Variants in LRRTM4 observed in about 807,000 individuals in gnomAD.
LRRTM4 encodes the protein leucine-rich repeat transmembrane neuronal protein 4.
LRRTM4 carries 25 observed loss-of-function variants against 47.6 expected under a neutral mutation model. That is an observed-to-expected ratio of 0.53 (90% CI 0.38 to 0.73). The LOEUF is 0.73. Ranked by LOEUF, LRRTM4 falls within the 30% of genes least tolerant of loss-of-function variation. LRRTM4 has a pLI of 0.00. For synonymous variants in LRRTM4, 311 were observed against 269.5 expected, an observed-to-expected ratio of 1.15 and a Z score of -1.51; for missense variants, 638 against 713.4, an observed-to-expected ratio of 0.89 and a Z score of 1.20.
chr2:77,480,262 G>A (rs868726353), intron 3 of LRRTM4, among the ~76,000 whole-genome samples: 6 of 152,242 alleles, frequency 3.9e-5, no homozygotes, highest in Middle Eastern at 3.4e-3. Flanking sequence ...AGGAACTACA[G>A]AGAAGAAGAC....
At chr2:76,896,441 C>T (rs1673420781) in intron 3 of LRRTM4, among the ~76,000 whole-genome samples, 1 of 152,006 alleles carries the variant, frequency 6.6e-6, no homozygotes, top group African/African-American at 2.4e-5. Flanking sequence ...CAGAGTACTG[C>T]AAATTTTGTC....
chr2:77,414,607 C>T (rs542850599), intron 3 of LRRTM4, among the ~76,000 whole-genome samples: 10 of 152,180 alleles, frequency 6.6e-5, no homozygotes, highest in Admixed American at 1.3e-4. Flanking sequence ...CCATCAGTAA[C>T]GGATGTGCTT....
At chr2:77,023,173 T>TCTATGTTGGCC (rs1678334033) in intron 3 of LRRTM4, among the ~76,000 whole-genome samples, 1 of 152,188 alleles carries the variant, frequency 6.6e-6, no homozygotes, top group Non-Finnish European at 1.5e-5. Context: ...CAGCCCAAGC[T>TCTATGTTGGCC]CTATGTTGGC....
In LRRTM4 at chr2:77,052,189, T is replaced by C. The variant is rs115112947; in HGVS notation, c.1552-303273A>G. On this transcript the variant is annotated intron_variant, in intron 3 of 3. Transcript: ENST00000409884. ...TTTTTTTTTTGAGACAGAGTTTTGC[T>C]CTTTGCTCTTGTTGCCCAGGCTGGA... Among the ~76,000 whole-genome samples the C allele has an allele frequency of 9.7e-3, 1,327 of 136,816 alleles. 33 individuals are homozygous for C. Among genetic ancestry groups the C allele is most frequent in the African/African-American group, 0.034 (1,238 of 36,702 alleles). The allele number at this position is 136,816 out of a possible 152,430, so 89.8% of individuals were successfully genotyped here.
At chr2:76,989,194 G>A (rs1039737068) in intron 3 of LRRTM4, among the ~76,000 whole-genome samples, 5 of 151,668 alleles carry the variant, frequency 3.3e-5, no homozygotes, top group African/African-American at 7.3e-5. Flanking sequence ...AGATACCCCT[G>A]TCCCTGAATA....
chr2:77,428,995 A>G (rs1675240575), intron 3 of LRRTM4, among the ~76,000 whole-genome samples: 1 of 152,220 alleles, frequency 6.6e-6, no homozygotes, highest in Non-Finnish European at 1.5e-5. Flanking sequence ...CTGGGTAGGA[A>G]AGTTTAACAA....
chr2:77,355,062 T>A (rs1286799610), intron 3 of LRRTM4, among the ~76,000 whole-genome samples: 1 of 152,330 alleles, frequency 6.6e-6, no homozygotes, highest in East Asian at 1.9e-4. Context: ...AGAAAGAACA[T>A]GATCCTCTCA....
rs968163416 is a variant in LRRTM4, at chr2:77,264,132, C to A, written c.1551+254186G>T. On this transcript the variant is annotated intron_variant, in intron 3 of 3. Transcript: ENST00000409884. ...TGAGTTCACGCATCCATAAAAAATA[C>A]CAGAGAATGGGTGGCTTCAACAACA... is the stretch of plus-strand genomic sequence containing the variant. 2.4e-4 allele frequency among the ~76,000 whole-genome samples: 37 copies of A among 151,912 alleles called. 1 individual carries two copies. Among genetic ancestry groups the A allele is most frequent in the Admixed American group, 2.4e-3 (36 of 15,234 alleles).
intron 3 of LRRTM4, among the ~76,000 whole-genome samples, chr2:77,039,374 G>A: frequency 6.6e-6 from 1 of 150,388 alleles, no homozygotes; most frequent in South Asian, 2.1e-4. Context: ...TATGAACAGA[G>A]ATACAGGTAT....
intron 3 of LRRTM4, among the ~76,000 whole-genome samples, chr2:77,331,770 T>C (rs1198634895): frequency 4.6e-5 from 7 of 152,178 alleles, no homozygotes; most frequent in Admixed American, 4.6e-4. Flanking sequence ...ATTCTGACAC[T>C]TTAATAGCAG....
chr2:77,404,614 C>T (rs1460820304), intron 3 of LRRTM4, among the ~76,000 whole-genome samples: 1 of 152,032 alleles, frequency 6.6e-6, no homozygotes, highest in African/African-American at 2.4e-5. Flanking sequence ...TATACAGTGG[C>T]TTAACATATA....
intron 3 of LRRTM4, among the ~76,000 whole-genome samples, chr2:76,873,494 A>G (rs1000266759): frequency 5.7e-4 from 61 of 107,562 alleles, no homozygotes; most frequent in African/African-American, 2.4e-3. Context: ...GTGTGTGTGT[A>G]TATATATGTG....
intron 3 of LRRTM4, among the ~76,000 whole-genome samples, chr2:76,913,209 G>A (rs1177509973): frequency 6.6e-6 from 1 of 151,932 alleles, no homozygotes; most frequent in African/African-American, 2.4e-5. Flanking sequence ...TATATTTATT[G>A]ATTTGTAAGA....
intron 3 of LRRTM4, among the ~76,000 whole-genome samples, chr2:77,186,068 C>T (rs539042134): frequency 6.6e-5 from 10 of 152,230 alleles, no homozygotes; most frequent in African/African-American, 1.7e-4. Flanking sequence ...AGTGGCAGAA[C>T]GGATCTAATA....
intron 3 of LRRTM4, among the ~76,000 whole-genome samples, chr2:76,926,878 C>A (rs1674604842): frequency 6.6e-6 from 1 of 152,236 alleles, no homozygotes; most frequent in East Asian, 1.9e-4. Context: ...ATTCCTTACA[C>A]TAAAGTTCCC....
At chr2:77,102,209 G>C (rs34312775) in intron 3 of LRRTM4, among the ~76,000 whole-genome samples, 1 of 152,162 alleles carries the variant, frequency 6.6e-6, no homozygotes, top group East Asian at 1.9e-4. Flanking sequence ...CCACAACCCC[G>C]CACCCTCATG....
At chr2:77,057,279 A>T (rs573233174) in intron 3 of LRRTM4, among the ~76,000 whole-genome samples, 3 of 152,334 alleles carry the variant, frequency 2.0e-5, no homozygotes, top group African/African-American at 7.2e-5. Flanking sequence ...GATAATTGTG[A>T]TAAGTTACCA....
intron 3 of LRRTM4, among the ~76,000 whole-genome samples, chr2:77,076,006 C>G (rs1164180999): frequency 2.0e-5 from 3 of 149,904 alleles, no homozygotes; most frequent in Non-Finnish European, 4.4e-5. Context: ...ATGCAGAATC[C>G]TTTCCAAAAA....
chr2:77,310,303 TACAC>T (rs921722293), intron 3 of LRRTM4, among the ~76,000 whole-genome samples: 1 of 152,000 alleles, frequency 6.6e-6, no homozygotes, highest in African/African-American at 2.4e-5. Context: ...CACAGCAACA[TACAC>T]ACACATATAT....
Sources: gnomAD v4.1 joint callset for allele counts (sites outside exome capture counted in the v4.1 genomes callset) on GRCh38, gnomAD v4.1.1 for gene constraint, MANE v1.5 for transcripts, NCBI Gene and HGNC (gene_info 2026-07-23, HGNC 2026-07-21) for gene names.